Variants in SECISBP2 observed in about 807,000 individuals in gnomAD.
SECISBP2 encodes SECIS binding protein 2, also known as selenocysteine insertion sequence-binding protein 2.
Under a neutral mutation model 98.2 loss-of-function variants are expected in SECISBP2, and 96 were observed. That is an observed-to-expected ratio of 0.98 (90% CI 0.83 to 1.16). The LOEUF is 1.16. SECISBP2 is among the 50% of genes most tolerant of loss of function. SECISBP2 has a pLI of 0.00. For missense variants in SECISBP2, 1,046 were observed against 1,022.9 expected (o/e 1.02, Z -0.31); for synonymous variants, 407 against 370.2 (o/e 1.10, Z -1.14).
Position 89,334,424 on chromosome 9 carries a change from G to T in SECISBP2, c.881-98G>T. On this transcript the variant is annotated intron_variant, in intron 6 of 16. Coordinates refer to ENST00000375807, the MANE Select transcript of SECISBP2 (RefSeq NM_024077.5). ...TAAATGATAGCCTACATTTAATGAT[G>T]CTCTGAGCAGTTACCTCATGTAATG... 9.1e-6 allele frequency: 9 copies of T among 989,110 alleles called. No individual in the cohort carries two copies. The South Asian group carries it at 9.3e-5, about 10-fold the overall frequency. 61.3% of individuals were successfully genotyped at this position (989,110 alleles called of 1,614,324 possible).
intron 10 of SECISBP2, among the ~76,000 whole-genome samples, chr9:89,344,758 A>G (rs1830188994): frequency 6.6e-6 from 1 of 152,194 alleles, no homozygotes; most frequent in South Asian, 2.1e-4. Context: ...TATATATTGA[A>G]GAAACTTTAC....
intron 11 of SECISBP2, among the ~76,000 whole-genome samples, 166 bp from the exon 12 acceptor site, chr9:89,347,913 G>A (rs548903612): frequency 2.0e-5 from 3 of 152,274 alleles, no homozygotes; most frequent in East Asian, 1.9e-4. Flanking sequence ...CAAAACCAGC[G>A]GGGAGGGTTG....
rs1832503924 is a variant in SECISBP2 at position 89,358,804 on chromosome 9, A to G, written c.2545A>G (p.Met849Val). The change falls in exon 17 of 17, where the codon ATG (methionine) becomes GTG (valine). Residue 849 changes from methionine (M) to valine (V), a missense_variant. Transcript: ENST00000375807. ...EESLEASTSQ[M>V]MNLNL Reference sequence around the variant, plus strand: ...ATCCTTGGAGGCTTCAACCTCTCAAATGATGAATTTGAATTTATGAGAGTT... The same window carrying G: ...ATCCTTGGAGGCTTCAACCTCTCAAGTGATGAATTTGAATTTATGAGAGTT... The G allele has an allele frequency of 6.2e-7, 1 of 1,612,282 alleles. No homozygotes were observed.
chr9:89,337,960 C>T (rs1049527594), intron 7 of SECISBP2, among the ~76,000 whole-genome samples: 1 of 152,226 alleles, frequency 6.6e-6, no homozygotes, highest in Non-Finnish European at 1.5e-5. Flanking sequence ...CACATCTGAC[C>T]TGGATGAGGA....
intron 10 of SECISBP2, among the ~76,000 whole-genome samples, chr9:89,345,275 C>G (rs1177880501): frequency 6.6e-6 from 1 of 152,334 alleles, no homozygotes; most frequent in African/African-American, 2.4e-5. Context: ...TCCCCATTTG[C>G]TGAAATCACT....
intron 2 of SECISBP2, chr9:89,325,017 G>C: frequency 3.5e-6 from 1 of 286,202 alleles, no homozygotes; most frequent in Admixed American, 5.1e-5. Flanking sequence ...GAGCAGGGAA[G>C]GGCTGGAGAA....
chr9:89,334,275 C>T (rs1440391746), intron 6 of SECISBP2: 1 of 1,091,642 alleles, frequency 9.2e-7, no homozygotes, highest in Non-Finnish European at 1.2e-6. Flanking sequence ...CCTCCAACCC[C>T]CAGGTTAAAA....
chr9:89,358,382 C>G (rs533969694), intron 16 of SECISBP2, among the ~76,000 whole-genome samples, 191 bp downstream of exon 16: 1 of 152,342 alleles, frequency 6.6e-6, no homozygotes, highest in South Asian at 2.1e-4. Flanking sequence ...GTGACTGTCT[C>G]AGACTTCAAG....
Position 89,319,797 on chromosome 9 carries a change from AGTAT to A in SECISBP2, c.182+5_182+8del, listed in dbSNP as rs761645648. On this transcript the variant is annotated splice_donor_variant and splice_donor_region_variant and intron_variant, in intron 2 of 16. Transcript: ENST00000375807. LOFTEE classifies it high-confidence loss of function. ...TTTGTTCAGGAACCACCAGTGACAG[AGTAT>A]GTATCTTTCTAAAAGTCTTACCTAG... 3 of 1,613,994 alleles carry A rather than the reference AGTAT, an allele frequency of 1.9e-6. No homozygotes were observed. The highest frequency in any genetic ancestry group is 1.7e-6 in the Non-Finnish European group (2 of 1,179,876).
downstream of SECISBP2, chr9:89,363,698 A>G (rs1453386464): frequency 1.9e-6 from 3 of 1,598,568 alleles, no homozygotes; most frequent in Non-Finnish European, 2.6e-6. Flanking sequence ...ATAGTGAAAA[A>G]TTACCTCATA....
At chr9:89,363,497 T>G (rs747995521), downstream of SECISBP2, 5 of 1,614,078 alleles carry the variant, frequency 3.1e-6, no homozygotes, top group East Asian at 2.2e-5. Flanking sequence ...GGCAGAGAGC[T>G]CTCTGGTCCA....
rs1394205814 is a variant in SECISBP2 at position 89,328,745 on chromosome 9, A to G, written c.660A>G (p.Thr220=). ...STSKPEFEFT[T]LDFPELQGAE... Reference sequence around the variant, plus strand: ...CCAAACCTGAGTTTGAATTTACCACACTGGACTTTCCTGAACTGCAAGGTG... The same window carrying G: ...CCAAACCTGAGTTTGAATTTACCACGCTGGACTTTCCTGAACTGCAAGGTG... The change falls in exon 5 of 17, where the codon ACA becomes ACG. Residue 220 remains threonine (T), a synonymous_variant. Coordinates refer to ENST00000375807, the MANE Select transcript of SECISBP2 (RefSeq NM_024077.5). The G allele has an allele frequency of 5.0e-6, 8 of 1,614,098 alleles. No homozygotes were observed. The highest frequency in any genetic ancestry group is 1.7e-5 in the Admixed American group (1 of 60,004).
chr9:89,335,059 C>G (rs1202712409), intron 7 of SECISBP2, among the ~76,000 whole-genome samples: 1 of 151,844 alleles, frequency 6.6e-6, no homozygotes, highest in Non-Finnish European at 1.5e-5. Context: ...CTAAGAAATA[C>G]AAACAAATTA....
chr9:89,319,198 TC>T (rs1419835555), intron 1 of SECISBP2: 1 of 371,258 alleles, frequency 2.7e-6, no homozygotes, highest in Non-Finnish European at 3.9e-6. Context: ...ACTTAGTGGT[TC>T]ATGAGTAAAA....
chr9:89,350,803 A>C lies in SECISBP2; in HGVS notation c.2064A>C (p.Lys688Asn). 6.2e-7 allele frequency: 1 copy of C among 1,614,164 alleles called. No homozygotes were observed. The highest frequency in any genetic ancestry group is 1.3e-5 in the African/African-American group (1 of 75,042). ...TTCTCAAACACCTGAAGCTCAAAAA[A>C]CTGAAATGTGTCATTATTTCTCCCA... ...REVLKHLKLK[K>N]LKCVIISPNC... The change falls in exon 14 of 17, where the codon AAA becomes AAC. Residue 688 changes from lysine (K) to asparagine (N), a missense_variant. Physicochemically the swap from Lys to Asn is moderately conservative, Grantham distance 94. Transcript: ENST00000375807.
intron 4 of SECISBP2, 37 bp downstream of exon 4, chr9:89,326,075 A>G (rs1826650521): frequency 1.2e-6 from 2 of 1,603,046 alleles, no homozygotes; most frequent in Middle Eastern, 1.7e-4. Context: ...ATGCGAGCCT[A>G]CTCCTTGTGC....
At chr9:89,349,697 T>C in intron 12 of SECISBP2, 79 bp from the exon 13 acceptor site, 1 of 1,486,702 alleles carries the variant, frequency 6.7e-7, no homozygotes, top group Non-Finnish European at 9.4e-7. Flanking sequence ...GTTGCATCGG[T>C]GAGACTGCAT....
chr9:89,318,581 C>A lies in SECISBP2; in HGVS notation c.5C>A (p.Ala2Glu). 2 of 1,486,022 alleles carry A rather than the reference C, an allele frequency of 1.3e-6. No individual in the cohort carries two copies. The highest frequency in any genetic ancestry group is 1.3e-5 in the South Asian group (1 of 78,996). The allele number at this position is 1,486,022 out of a possible 1,614,324, so 92.1% of individuals were successfully genotyped here. ...GCCTCCTCCGCGCCTCGCGGCATGG[C>A]GTCGGAGGGGCCGCGGGAGCCCGAA... M[A>E]SEGPREPESE... Residue 2 changes from alanine (A) to glutamate (E), a missense_variant, in exon 1 of 17, where the codon GCG becomes GAG. By Grantham distance (107) the Ala-to-Glu change is moderately radical. Transcript: ENST00000375807.
chr9:89,343,408 T>G (rs1260993983), intron 10 of SECISBP2, among the ~76,000 whole-genome samples: 1 of 152,156 alleles, frequency 6.6e-6, no homozygotes, highest in Non-Finnish European at 1.5e-5. Context: ...ATAGGTAAAC[T>G]TGTGTCATGG....
Sources: gnomAD v4.1 joint callset for allele counts (sites outside exome capture counted in the v4.1 genomes callset) on GRCh38, gnomAD v4.1.1 for gene constraint, MANE v1.5 for transcripts, NCBI Gene and HGNC (gene_info 2026-07-23, HGNC 2026-07-21) for gene names.